The following SYCP2 variants were observed in gnomAD, a reference collection of about 807,000 sequenced individuals.
The protein encoded by SYCP2 is synaptonemal complex lateral element protein.
In SYCP2, 55 loss-of-function variants were observed where a neutral mutation model predicts 211.3. The ratio of observed to expected loss-of-function variants is 0.26; its 90% CI spans 0.21 to 0.33. SYCP2 has a LOEUF of 0.33. SYCP2 is among the 10% of genes least tolerant of loss of function. The pLI is 1.00. For synonymous variants in SYCP2, 570 were observed against 555.2 expected (o/e 1.03, Z -0.37); for missense variants, 1,731 against 1,752.0 (o/e 0.99, Z 0.21).
intron 5 of SYCP2, among the ~76,000 whole-genome samples, chr20:59,919,864 C>G (rs997194601): frequency 6.6e-6 from 1 of 150,976 alleles, no homozygotes; most frequent in South Asian, 2.1e-4. Flanking sequence ...AGTTAGGGTA[C>G]GTTTATTATA....
intron 25 of SYCP2, 70 bp downstream of exon 25, chr20:59,886,637 C>G: frequency 2.6e-6 from 3 of 1,163,866 alleles, no homozygotes; most frequent in South Asian, 3.9e-5. Context: ...TTAAAATTAA[C>G]CTTTTTAAAA....
chr20:59,926,166 G>A (rs1038529677), intron 2 of SYCP2, among the ~76,000 whole-genome samples: 2 of 152,064 alleles, frequency 1.3e-5, no homozygotes, highest in African/African-American at 2.4e-5. Context: ...ATGGAATTGT[G>A]CCAACTGCCT....
At position 59,875,316 on chromosome 20, in the gene SYCP2, G is replaced by A. The variant is rs377454425; in HGVS notation, c.3304C>T (p.Pro1102Ser). ...AIRDNCLDLSPRSLSGSPSSI... is the reference protein window; with the variant it reads ...AIRDNCLDLSSRSLSGSPSSI... ...GATGGACTGCCAGATAAAGATCTGG[G>A]AGATAAGTCAAGGCAATTATCTCGT... Residue 1102 changes from proline (P) to serine (S), a missense_variant, in exon 34 of 45, where the codon CCC becomes TCC. By Grantham distance (74) the Pro-to-Ser change is moderately conservative (BLOSUM62 -1). Transcript: ENST00000357552. 1 of 1,610,996 alleles carries A rather than the reference G, an allele frequency of 6.2e-7. No homozygotes were observed. Among genetic ancestry groups the A allele is most frequent in the South Asian group, 1.1e-5 (1 of 90,756 alleles).
At chr20:59,896,012 G>A (rs1236928537) in intron 19 of SYCP2, among the ~76,000 whole-genome samples, 1 of 151,954 alleles carries the variant, frequency 6.6e-6, no homozygotes, top group Non-Finnish European at 1.5e-5. Context: ...TATTAAATGA[G>A]TGATTTTTAT....
chr20:59,885,885 A>G (rs766287788), intron 26 of SYCP2, 43 bp downstream of exon 26: 2 of 1,442,594 alleles, frequency 1.4e-6, no homozygotes, highest in South Asian at 2.4e-5. Context: ...TCAAATATTG[A>G]GTTTGACTAT....
intron 2 of SYCP2, among the ~76,000 whole-genome samples, chr20:59,925,387 C>T (rs1217919780): frequency 6.6e-6 from 1 of 151,984 alleles, no homozygotes; most frequent in Non-Finnish European, 1.5e-5. Flanking sequence ...TTTCTCAATC[C>T]ATGAGCATAG....
chr20:59,868,433 G>C lies in SYCP2; in HGVS notation c.3968C>G (p.Ala1323Gly), dbSNP rs374339367. The C allele has an allele frequency of 6.2e-6, 10 of 1,610,138 alleles. No individual in the cohort carries two copies. In the African/African-American group the frequency reaches 1.1e-4, roughly 17 times the overall value. Residue 1323 changes from alanine to glycine, a missense_variant, in exon 38 of 45, where the codon GCA becomes GGA. By Grantham distance (60) the Ala-to-Gly change is moderately conservative. Around this residue, in one of 3 missense-constraint regions of SYCP2, gnomAD observed 1,387 missense variants for 1,351.3 expected, o/e 1.03. Transcript: ENST00000357552. The stretch of plus-strand genomic sequence containing the variant: ...CCTACTTTTGTGGATATGATGATCT[G>C]CATCTTCAATTTTACACAGTTTTTT... ...LPKKLCKIEDADHHIHKMSES... is the reference protein window; with the variant it reads ...LPKKLCKIEDGDHHIHKMSES...
intron 35 of SYCP2, among the ~76,000 whole-genome samples, chr20:59,873,610 G>A (rs2059495203): frequency 6.6e-6 from 1 of 152,062 alleles, no homozygotes; most frequent in Non-Finnish European, 1.5e-5. Flanking sequence ...CAAATAATGA[G>A]AAACTACTGT....
Position 59,901,700 on chromosome 20 carries a change from T to A in SYCP2, c.1144A>T (p.Asn382Tyr), listed in dbSNP as rs747163396. 2 of 1,598,232 alleles carry A rather than the reference T, an allele frequency of 1.3e-6. No homozygotes were observed. The highest frequency in any genetic ancestry group is 2.7e-5 in the African/African-American group (2 of 73,868). The change falls in exon 16 of 45, where the codon AAT becomes TAT. Residue 382 changes from asparagine to tyrosine, a missense_variant. Coordinates refer to ENST00000357552, the MANE Select transcript of SYCP2 (RefSeq NM_014258.4). The part of the protein sequence containing the change: ...LYFDASLEIT[N>Y]VTQKIFGATK... Reference sequence around the variant, plus strand: ...GCACCAAAAATTTTTTGAGTTACATTAGTGATTTCTAGTGATGCGTCAAAA... The same window carrying A: ...GCACCAAAAATTTTTTGAGTTACATAAGTGATTTCTAGTGATGCGTCAAAA...
At chr20:59,868,054 C>T (rs2059385500) in intron 38 of SYCP2, among the ~76,000 whole-genome samples, 1 of 151,518 alleles carries the variant, frequency 6.6e-6, no homozygotes, top group South Asian at 2.1e-4. Flanking sequence ...TTTGGTATGG[C>T]TATTACAGCA....
chr20:59,865,347 T>G, intron 44 of SYCP2, 41 bp downstream of exon 44: 2 of 1,503,034 alleles, frequency 1.3e-6, no homozygotes, highest in Admixed American at 1.9e-5. Context: ...ACAAAAGACA[T>G]TAAAGTATGA....
At chr20:59,918,284 A>T (rs1265902808) in intron 7 of SYCP2, among the ~76,000 whole-genome samples, 1 of 152,230 alleles carries the variant, frequency 6.6e-6, no homozygotes, top group East Asian at 1.9e-4. Flanking sequence ...TGCTTGCATC[A>T]TGAACTTAAC....
intron 33 of SYCP2, 23 bp downstream of exon 33, chr20:59,877,362 T>A (rs1167136910): frequency 1.4e-6 from 2 of 1,445,052 alleles, no homozygotes; most frequent in African/African-American, 2.9e-5. Context: ...TTTTAGAAAT[T>A]AATCTGAACT....
At position 59,910,374 on chromosome 20, in the gene SYCP2, ATTTTT is replaced by A. The variant is rs898302276; in HGVS notation, c.972+1371_972+1375del. On this transcript the variant is annotated intron_variant, in intron 14 of 44. Coordinates refer to ENST00000357552, the MANE Select transcript of SYCP2 (RefSeq NM_014258.4). ...GTATACTGCTATAGTGTAATTGCTT[ATTTTT>A]TTTTTTTTTTTTTTTTTTTTTGAGA... Among the ~76,000 whole-genome samples the A allele has an allele frequency of 4.1e-3, 309 of 76,202 alleles. 1 individual carries two copies. The highest frequency in any genetic ancestry group is 0.017 in the African/African-American group (284 of 16,874). The allele number at this position is 76,202 out of a possible 152,430, so 50.0% of individuals were successfully genotyped here.
intron 6 of SYCP2, 69 bp downstream of exon 6, chr20:59,919,424 G>A (rs1312838778): frequency 4.2e-6 from 5 of 1,204,792 alleles, no homozygotes; most frequent in Non-Finnish European, 6.1e-6. Context: ...TCAGGGCACA[G>A]AGAACACAAA....
chr20:59,880,541 C>A, intron 30 of SYCP2, 70 bp from the exon 31 acceptor site: 5 of 831,132 alleles, frequency 6.0e-6, no homozygotes, highest in Admixed American at 3.6e-5. Context: ...TAAGTTAAAC[C>A]AAAACAACAA....
Position 59,890,581 on chromosome 20 carries a change from A to AGTAG in SYCP2, c.2364+1405_2364+1408dup, listed in dbSNP as rs139061503. On this transcript the variant is annotated intron_variant, in intron 24 of 44. Coordinates refer to ENST00000357552, the MANE Select transcript of SYCP2 (RefSeq NM_014258.4). ...AAATAGGTAGATAGGTAGGTAGGTA[A>AGTAG]GTAGGTAGGTAGGTAGGTAGGTAGG... is the stretch of plus-strand genomic sequence containing the variant. Among the ~76,000 whole-genome samples the AGTAG allele has an allele frequency of 1.4e-3, 215 of 151,462 alleles. 2 individuals are homozygous for AGTAG. The highest frequency in any genetic ancestry group is 0.01 in the Middle Eastern group (3 of 294).
intron 35 of SYCP2, among the ~76,000 whole-genome samples, chr20:59,870,566 A>G (rs889356924): frequency 1.3e-5 from 2 of 151,866 alleles, no homozygotes; most frequent in African/African-American, 4.8e-5. Context: ...AAAAGTGGAG[A>G]GAGAAATCAT....
In SYCP2 at chr20:59,912,418, C is replaced by G; in HGVS notation, c.831G>C (p.Arg277Ser). ...LVNGMLGDKRRVFTFPCLSAF... is the reference protein window; with the variant it reads ...LVNGMLGDKRSVFTFPCLSAF... ...CTGATAAACAAGGAAATGTAAAGAC[C>G]CTGAAATAAAAAGTAGTTTAAGAAA... is the stretch of plus-strand genomic sequence containing the variant. The change falls in exon 13 of 45, where the codon AGG becomes AGC. Residue 277 changes from arginine to serine, a missense_variant and splice_region_variant. Transcript: ENST00000357552. The G allele has an allele frequency of 9.4e-7, 1 of 1,060,100 alleles. No individual in the cohort carries two copies. 65.7% of individuals were successfully genotyped at this position (1,060,100 alleles called of 1,614,324 possible).
Sources: allele counts gnomAD v4.1 joint callset (sites outside exome capture counted in the v4.1 genomes callset), GRCh38; gene constraint gnomAD v4.1.1; regional missense constraint gnomAD v4.1.1; transcripts MANE v1.5; gene names NCBI Gene and HGNC (gene_info 2026-07-23, HGNC 2026-07-21).